Variants in TBC1D22A observed in about 807,000 individuals in gnomAD.
TBC1D22A encodes putative GTPase activator.
Under a neutral mutation model 60.2 loss-of-function variants are expected in TBC1D22A, and 38 were observed. The observed-to-expected ratio is 0.63, with a 90% CI of 0.49 to 0.83. The LOEUF is 0.83. Ranked by LOEUF, TBC1D22A falls within the 40% of genes least tolerant of loss-of-function variation. The pLI is 0.00. For missense variants in TBC1D22A, 628 were observed against 701.0 expected (o/e 0.90, Z 1.18); for synonymous variants, 302 against 281.7 (o/e 1.07, Z -0.72).
intron 12 of TBC1D22A, among the ~76,000 whole-genome samples, chr22:47,159,947 A>T (rs1443575236): frequency 9.1e-6 from 1 of 110,164 alleles, no homozygotes; most frequent in East Asian, 2.1e-4. Context: ...ACATCACAAA[A>T]CTACACAGCA....
intron 11 of TBC1D22A, among the ~76,000 whole-genome samples, chr22:47,069,766 G>T (rs1394180470): frequency 9.6e-6 from 1 of 104,700 alleles, no homozygotes; most frequent in Non-Finnish European, 1.9e-5. Context: ...GACGGTCCTG[G>T]CTGTTCCCTA....
intron 11 of TBC1D22A, among the ~76,000 whole-genome samples, chr22:47,070,004 GC>G (rs1310899437): frequency 1.4e-4 from 19 of 133,220 alleles, no homozygotes; most frequent in East Asian, 4.1e-4. Context: ...GACGGTCCCA[GC>G]GCTGTCCCCT....
At chr22:47,005,291 C>G (rs1294753678) in intron 10 of TBC1D22A, among the ~76,000 whole-genome samples, 5 of 151,384 alleles carry the variant, frequency 3.3e-5, no homozygotes, top group Non-Finnish European at 4.4e-5. Context: ...CACATATACA[C>G]TCACTCCTGT....
chr22:46,890,822 GTA>G (rs1266868882), intron 5 of TBC1D22A, among the ~76,000 whole-genome samples: 3 of 152,090 alleles, frequency 2.0e-5, no homozygotes, highest in African/African-American at 7.2e-5. Flanking sequence ...ATGCATGCGT[GTA>G]TATGTGTGTG....
At chr22:46,827,126 A>G (rs7285080) in intron 4 of TBC1D22A, among the ~76,000 whole-genome samples, 1 of 152,202 alleles carries the variant, frequency 6.6e-6, no homozygotes, top group Non-Finnish European at 1.5e-5. Flanking sequence ...AAGTGCCACG[A>G]TTCCTCAGCA....
chr22:46,954,692 C>T (rs1031914450), intron 8 of TBC1D22A, among the ~76,000 whole-genome samples: 8 of 152,186 alleles, frequency 5.3e-5, no homozygotes, highest in Admixed American at 3.9e-4. Flanking sequence ...TCAGCTGATT[C>T]GTTTGGGCTG....
intron 5 of TBC1D22A, among the ~76,000 whole-genome samples, chr22:46,883,049 A>G (rs73470826): frequency 2.6e-3 from 401 of 152,356 alleles, no homozygotes; most frequent in African/African-American, 9.3e-3. Context: ...CAGGGTAGTA[A>G]CTTTTTAAAA....
At chr22:47,005,484 A>G (rs575298120) in intron 10 of TBC1D22A, among the ~76,000 whole-genome samples, 9 of 151,690 alleles carry the variant, frequency 5.9e-5, no homozygotes, top group African/African-American at 1.7e-4. Context: ...ACGCATACCT[A>G]CACACACCTA....
chr22:46,944,544 G>A (rs1332226574), intron 8 of TBC1D22A, among the ~76,000 whole-genome samples: 4 of 151,930 alleles, frequency 2.6e-5, no homozygotes, highest in African/African-American at 7.3e-5. Context: ...GACTACAGGC[G>A]CCCGCCACCA....
chr22:46,810,128 G>C (rs1258640736), intron 4 of TBC1D22A, among the ~76,000 whole-genome samples: 2 of 152,218 alleles, frequency 1.3e-5, no homozygotes, highest in Non-Finnish European at 2.9e-5. Flanking sequence ...CTGGAGGAGG[G>C]AGGAATGCTC....
At chr22:46,942,547 T>C (rs2072237202) in intron 8 of TBC1D22A, among the ~76,000 whole-genome samples, 1 of 152,214 alleles carries the variant, frequency 6.6e-6, no homozygotes, top group African/African-American at 2.4e-5. Flanking sequence ...ACCGCGTTAA[T>C]ATTAAAGAGC....
At chr22:47,111,818 A>G (rs1344442523) in intron 12 of TBC1D22A, among the ~76,000 whole-genome samples, 1 of 152,156 alleles carries the variant, frequency 6.6e-6, no homozygotes, top group Non-Finnish European at 1.5e-5. Flanking sequence ...TGCCCACGTT[A>G]TGAGTTATTA....
chr22:46,971,724 G>A (rs2148116911), intron 8 of TBC1D22A, among the ~76,000 whole-genome samples: 1 of 152,324 alleles, frequency 6.6e-6, no homozygotes, highest in Non-Finnish European at 1.5e-5. Flanking sequence ...ATCAGCGCGT[G>A]GAGGCTTAGT....
chr22:47,095,447 G>A (rs957773527), intron 11 of TBC1D22A, among the ~76,000 whole-genome samples: 8 of 152,154 alleles, frequency 5.3e-5, no homozygotes, highest in Admixed American at 1.3e-4. Flanking sequence ...AAGGAAAATT[G>A]TTTCTTTGCC....
chr22:46,949,847 C>T (rs2072789431), intron 8 of TBC1D22A, among the ~76,000 whole-genome samples: 1 of 152,220 alleles, frequency 6.6e-6, no homozygotes, highest in African/African-American at 2.4e-5. Flanking sequence ...TGCGCAAGGG[C>T]AGGCAAGTGA....
chr22:47,172,805 G>C (rs910544), intron 12 of TBC1D22A, among the ~76,000 whole-genome samples: 86,765 of 152,114 alleles, frequency 0.57, 24,898 homozygotes, highest in Non-Finnish European at 0.59. Flanking sequence ...GGGTTTGGTG[G>C]AGCCCTGCAC....
intron 8 of TBC1D22A, chr22:46,913,626 A>G: frequency 1.0e-6 from 1 of 985,444 alleles, no homozygotes; most frequent in African/African-American, 1.7e-5. Flanking sequence ...CTCATTTGAC[A>G]GATAATGAAA....
At chr22:46,782,422 G>T (rs1179363587) in intron 1 of TBC1D22A, among the ~76,000 whole-genome samples, 2 of 152,142 alleles carry the variant, frequency 1.3e-5, no homozygotes, top group East Asian at 3.9e-4. Flanking sequence ...CTTCCATGAC[G>T]TCCCGGCCTT....
chr22:46,825,211 C>T (rs1001271680), intron 4 of TBC1D22A, among the ~76,000 whole-genome samples: 5 of 152,068 alleles, frequency 3.3e-5, no homozygotes, highest in African/African-American at 9.7e-5. Context: ...TAAACATCCA[C>T]GTTCCCCCCA....
Sources: gnomAD v4.1 joint callset for allele counts (sites outside exome capture counted in the v4.1 genomes callset) on GRCh38, gnomAD v4.1.1 for gene constraint, MANE v1.5 for transcripts, NCBI Gene and HGNC (gene_info 2026-07-23, HGNC 2026-07-21) for gene names.